Variants in TPP1 observed in about 807,000 individuals in gnomAD.
TPP1 encodes the protein tripeptidyl peptidase 1.
Under a neutral mutation model 67.6 loss-of-function variants are expected in TPP1, and 43 were observed. The observed-to-expected ratio is 0.64, with a 90% CI of 0.50 to 0.82. The LOEUF (loss-of-function observed/expected upper bound fraction) is 0.82. Ranked by LOEUF, TPP1 falls within the 40% of genes least tolerant of loss-of-function variation. TPP1 has a pLI of 0.00. For synonymous variants in TPP1, 272 were observed against 281.5 expected (o/e 0.97, Z 0.34); for missense variants, 671 against 710.9 (o/e 0.94, Z 0.64).
At chr11:6,617,985 C>T (rs2134596618) in intron 3 of TPP1, 1 of 644,154 alleles carries the variant, frequency 1.6e-6, no homozygotes, top group African/African-American at 1.8e-5. Flanking sequence ...TGGATTTACC[C>T]TAAAGGCCAG....
At position 6,616,969 on chromosome 11, in the gene TPP1, G is replaced by A. The variant is rs768924191; in HGVS notation, c.687+6C>T. On this transcript the variant is annotated splice_donor_region_variant and intron_variant, in intron 6 of 12. Coordinates refer to ENST00000299427, the MANE Select transcript of TPP1 (RefSeq NM_000391.4). ...TGAGGACCCTGGGGCTCTTTGCTTG[G>A]CTCACCTGGGCACAGGCTTGGCTGT... The A allele has an allele frequency of 3.1e-6, 5 of 1,614,128 alleles. No homozygotes were observed. The South Asian group carries it at 5.5e-5, about 18-fold the overall frequency.
rs1855562886 is a variant in TPP1, at chr11:6,615,325, T to G, written c.1271A>C (p.Glu424Ala). Residue 424 changes from glutamate (E) to alanine (A), a missense_variant, in exon 11 of 13, where the codon GAA becomes GCA. Transcript: ENST00000299427. The part of the protein sequence containing the change: ...NVFPRPSYQE[E>A]AVTKFLSSSP... The stretch of plus-strand genomic sequence containing the variant: ...AGAGCTCAGGAACTTCGTTACAGCT[T>G]CCTCCTGAAAGGCATTTTTGAGTGA... The G allele has an allele frequency of 6.2e-7, 1 of 1,614,136 alleles. No individual in the cohort carries two copies. The highest frequency in any genetic ancestry group is 1.3e-5 in the African/African-American group (1 of 75,012).
At chr11:6,616,550 T>C in intron 7 of TPP1, 47 bp from the exon 8 acceptor site, 2 of 1,585,628 alleles carry the variant, frequency 1.3e-6, no homozygotes, top group Non-Finnish European at 1.7e-6. Context: ...ACAAAGATAG[T>C]CACTGGGGGT....
chr11:6,616,265 C>A, intron 8 of TPP1, 50 bp downstream of exon 8: 1 of 1,611,588 alleles, frequency 6.2e-7, no homozygotes, highest in South Asian at 1.1e-5. Context: ...AGTCAAAGCT[C>A]CCAGGCTGCA....
In TPP1 at chr11:6,618,868, T is replaced by G; in HGVS notation, c.137A>C (p.Glu46Ala). ...TCTCAGGGCAAAGGTGAGACTCAGC[T>G]CTTCCTCAGGGTCCGCACGGCCCAG... ...VSLGRADPEE[E>A]LSLTFALRQQ... The change falls in exon 3 of 13, where the codon GAG becomes GCG. Residue 46 changes from glutamate to alanine, a missense_variant. Physicochemically the swap from Glu to Ala is moderately radical, Grantham distance 107 (BLOSUM62 -1). Transcript: ENST00000299427. 1 of 1,613,958 alleles carries G rather than the reference T, an allele frequency of 6.2e-7. No individual in the cohort carries two copies. The highest frequency in any genetic ancestry group is 1.3e-5 in the African/African-American group (1 of 75,006).
chr11:6,619,064 G>T (rs1392420997), intron 2 of TPP1, 132 bp downstream of exon 2: 2 of 1,469,122 alleles, frequency 1.4e-6, no homozygotes. Flanking sequence ...GGGGACTGAG[G>T]CTAGGAACAT....
At chr11:6,617,855 A>G (rs1021996764) in intron 3 of TPP1, 79 bp from the exon 4 acceptor site, 3 of 1,599,506 alleles carry the variant, frequency 1.9e-6, no homozygotes, top group Non-Finnish European at 2.6e-6. Flanking sequence ...ACTATGAGAC[A>G]TCAGGACTTC....
rs1855598401 is a variant in TPP1, at chr11:6,617,083, A to C, written c.579T>G (p.Thr193=). The C allele has an allele frequency of 6.2e-7, 1 of 1,614,142 alleles. No homozygotes were observed. The highest frequency in any genetic ancestry group is 1.1e-5 in the South Asian group (1 of 91,084). The change falls in exon 6 of 13, where the codon ACT becomes ACG. Residue 193 remains threonine (T), a synonymous_variant. Coordinates refer to ENST00000299427, the MANE Select transcript of TPP1 (RefSeq NM_000391.4). The stretch of plus-strand genomic sequence containing the variant: ...GGGTTACCCCCAGATGCAGGCCTAC[A>C]GTCCCTGTCACCTGCGGCTCAGGAC... ...RQRPEPQVTG[T]VGLHLGVTPS... is the part of the protein sequence containing the mutation.
intron 3 of TPP1, 37 bp from the exon 4 acceptor site, chr11:6,617,813 T>C (rs1392065389): frequency 1.6e-5 from 26 of 1,613,884 alleles, no homozygotes; most frequent in Non-Finnish European, 2.2e-5. Flanking sequence ...CCCTCATTCA[T>C]TGCTTTCCCA....
chr11:6,617,554 T>G, intron 4 of TPP1, 72 bp downstream of exon 4: 1 of 1,613,250 alleles, frequency 6.2e-7, no homozygotes, highest in South Asian at 1.1e-5. Context: ...CCCAGCAAGC[T>G]CTCAACTCCC....
rs759984948 is a variant in TPP1, at chr11:6,615,627, G to C, written c.1146-65C>G. 4 of 1,603,648 alleles carry C rather than the reference G, an allele frequency of 2.5e-6. No individual in the cohort carries two copies. The East Asian group carries it at 8.9e-5, about 36-fold the overall frequency. On this transcript the variant is annotated intron_variant, in intron 9 of 12. Coordinates refer to ENST00000299427, the MANE Select transcript of TPP1 (RefSeq NM_000391.4). The stretch of plus-strand genomic sequence containing the variant: ...AGGGGACCTCCAAGATATGTGGGGA[G>C]GGGTGAGTATAGCCCAGGTCTTGCT...
chr11:6,614,799 C>A (rs1855550522), intron 12 of TPP1, 67 bp downstream of exon 12: 1 of 1,613,794 alleles, frequency 6.2e-7, no homozygotes, highest in Non-Finnish European at 8.5e-7. Context: ...CCTAACTGCC[C>A]CCAAGTCCCC....
Position 6,614,951 on chromosome 11 carries a change from T to C in TPP1, c.1466A>G (p.Asn489Ser), listed in dbSNP as rs751645191. 2.7e-5 allele frequency: 43 copies of C among 1,613,954 alleles called. No individual in the cohort carries two copies. The highest frequency in any genetic ancestry group is 2.0e-5 in the Non-Finnish European group (24 of 1,180,012). The change falls in exon 12 of 13, where the codon AAT becomes AGT. Residue 489 changes from asparagine (N) to serine (S), a missense_variant. By Grantham distance (46) the Asn-to-Ser change is conservative. Coordinates refer to ENST00000299427, the MANE Select transcript of TPP1 (RefSeq NM_000391.4). ...GCGGCCACTAAGGATCCTGTGCTCA[T>C]TGATCAAGGATAGGATCCCCCCAAA... Reference protein sequence around the residue: ...PVFGGILSLINEHRILSGRPP... With the variant: ...PVFGGILSLISEHRILSGRPP...
At position 6,616,381 on chromosome 11, in the gene TPP1, T is replaced by G. The variant is rs984125804; in HGVS notation, c.1009A>C (p.Ile337Leu). ...DDEDSLSSAYIQRVNTELMKA... is the reference protein window; with the variant it reads ...DDEDSLSSAYLQRVNTELMKA... The stretch of plus-strand genomic sequence containing the variant: ...ATGAGCTCAGTGTTGACCCGCTGGA[T>G]GTAGGCGCTGCTGAGGGAGTCCTCA... Residue 337 changes from isoleucine (I) to leucine (L), a missense_variant, in exon 8 of 13, where the codon ATC (isoleucine) becomes CTC (leucine). By Grantham distance (5) the Ile-to-Leu change is conservative. Transcript: ENST00000299427. 1 of 1,613,964 alleles carries G rather than the reference T, an allele frequency of 6.2e-7. No individual in the cohort carries two copies.
chr11:6,619,381 C>T lies in TPP1; in HGVS notation c.17+3G>A, dbSNP rs1217041370. On this transcript the variant is annotated splice_donor_region_variant and intron_variant, in intron 1 of 12. Transcript: ENST00000299427. ...TTTCTCCCGAGCCCTCTCAATTTCT[C>T]ACCAGGCTTGGAGTCCCATTCTGCC... 1 of 1,614,250 alleles carries T rather than the reference C, an allele frequency of 6.2e-7. No homozygotes were observed. The highest frequency in any genetic ancestry group is 8.5e-7 in the Non-Finnish European group (1 of 1,180,044).
Position 6,615,868 on chromosome 11 carries a change from G to T in TPP1, c.1145+137C>A, listed in dbSNP as rs1044516972. The stretch of plus-strand genomic sequence containing the variant: ...TGGGACCTGCAGGAAGAAGAGACAG[G>T]AGTACAGCAACCAGGGCAGGCAAAG... On this transcript the variant is annotated intron_variant, in intron 9 of 12. Transcript: ENST00000299427. 9 of 987,412 alleles carry T rather than the reference G, an allele frequency of 9.1e-6. No individual in the cohort carries two copies. The African/African-American group carries it at 1.4e-4, about 16-fold the overall frequency. The allele number at this position is 987,412 out of a possible 1,614,324, so 61.2% of individuals were successfully genotyped here. A position where few individuals can be genotyped will look rare whatever the true frequency, so the allele number is the denominator to read the frequency against.
Position 6,614,853 on chromosome 11 carries a change from C to T in TPP1, c.1551+13G>A. On this transcript the variant is annotated intron_variant, in intron 12 of 12. Coordinates refer to ENST00000299427, the MANE Select transcript of TPP1 (RefSeq NM_000391.4). ...TGTTTGAAAACGTCCACACCCTTCC[C>T]TTCCATACTTACATCAAAGAGTCCT... 2.5e-6 allele frequency: 4 copies of T among 1,614,140 alleles called. No individual in the cohort carries two copies. Among genetic ancestry groups the T allele is most frequent in the Non-Finnish European group, 3.4e-6 (4 of 1,180,036 alleles).
At position 6,614,979 on chromosome 11, in the gene TPP1, C is replaced by T. The variant is rs1855555783; in HGVS notation, c.1438G>A (p.Val480Met). ...WVSGTSASTP[V>M]FGGILSLINE... ...ATCAAGGATAGGATCCCCCCAAACA[C>T]TGGAGTAGAGGCCTACAAGAGTGAA... Residue 480 changes from valine (V) to methionine (M), a missense_variant, in exon 12 of 13, where the codon GTG (valine) becomes ATG (methionine). Val to Met is a conservative substitution (Grantham distance 21). Coordinates refer to ENST00000299427, the MANE Select transcript of TPP1 (RefSeq NM_000391.4). 6.2e-7 allele frequency: 1 copy of T among 1,613,986 alleles called. No individual in the cohort carries two copies. Among genetic ancestry groups the T allele is most frequent in the Admixed American group, 1.7e-5 (1 of 59,988 alleles).
chr11:6,619,116 G>T (rs980503798), intron 2 of TPP1, 80 bp downstream of exon 2: 14 of 1,562,988 alleles, frequency 9.0e-6, no homozygotes, highest in African/African-American at 1.4e-5. Flanking sequence ...CTGGCACGGG[G>T]GTGAGAGAAG....
Sources: allele counts gnomAD v4.1 joint callset, GRCh38; gene constraint gnomAD v4.1.1; transcripts MANE v1.5; gene names NCBI Gene and HGNC (gene_info 2026-07-23, HGNC 2026-07-21).